The following BCAS3 variants were observed in gnomAD, a reference collection of about 807,000 sequenced individuals.
The protein encoded by BCAS3 is BCAS4/BCAS3 fusion.
In BCAS3, 53 loss-of-function variants were observed where a neutral mutation model predicts 116.1. The ratio of observed to expected loss-of-function variants is 0.46; its 90% CI spans 0.37 to 0.57. BCAS3 has a LOEUF of 0.57. Among genes scored for constraint, BCAS3 ranks in the 20% least tolerant of loss-of-function variants. The pLI is 0.00. For missense variants in BCAS3, 917 were observed against 1,165.4 expected (o/e 0.79, Z 3.10); for synonymous variants, 391 against 408.2 (o/e 0.96, Z 0.51).
chr17:60,875,398 A>G (rs2055506543), intron 9 of BCAS3, among the ~76,000 whole-genome samples: 1 of 152,104 alleles, frequency 6.6e-6, no homozygotes, highest in African/African-American at 2.4e-5. Flanking sequence ...GATGGAAAAA[A>G]ATGTAAACAC....
intron 22 of BCAS3, among the ~76,000 whole-genome samples, chr17:61,237,701 T>C (rs529687277): frequency 1.3e-5 from 2 of 152,244 alleles, no homozygotes; most frequent in Middle Eastern, 6.8e-3. Flanking sequence ...AAATAGAGAC[T>C]CAGAGAAACG....
intron 11 of BCAS3, among the ~76,000 whole-genome samples, chr17:60,908,791 G>A (rs575649947): frequency 2.8e-4 from 43 of 152,170 alleles, no homozygotes; most frequent in South Asian, 6.2e-4. Flanking sequence ...CTTTTTATTT[G>A]AATTCAGCAT....
At position 61,077,151 on chromosome 17, in the gene BCAS3, A is replaced by G. The variant is rs903391459; in HGVS notation, c.2131-1182A>G. On this transcript the variant is annotated intron_variant, in intron 20 of 23. Coordinates refer to ENST00000407086, the MANE Select transcript of BCAS3 (RefSeq NM_017679.5). The surrounding 1 kb of genome is among the most constrained non-coding windows in gnomAD (Gnocchi z 4.3). ...TTGATTATTTGTAAAAAAAAAAAAA[A>G]ATCATGTAATATATATATTTTCAGG... Among the ~76,000 whole-genome samples, 1 of 151,992 alleles carries G rather than the reference A, an allele frequency of 6.6e-6. No homozygotes were observed. The highest frequency in any genetic ancestry group is 1.5e-5 in the Non-Finnish European group (1 of 68,028).
rs2065733773 is a variant in BCAS3 at position 61,019,569 on chromosome 17, C to T, written c.1637+3668C>T. Reference sequence around the variant, plus strand: ...AAAAGTAATATTTGATTCGTGAGAACCAAATATATTCTGTGAATTTTCATT... The same window carrying T: ...AAAAGTAATATTTGATTCGTGAGAATCAAATATATTCTGTGAATTTTCATT... On this transcript the variant is annotated intron_variant, in intron 16 of 23. Coordinates refer to ENST00000407086, the MANE Select transcript of BCAS3 (RefSeq NM_017679.5). This position sits in a 1 kb window ranked among gnomAD's most constrained non-coding sequence, Gnocchi z 5.6. Among the ~76,000 whole-genome samples, 1 of 152,022 alleles carries T rather than the reference C, an allele frequency of 6.6e-6. No individual in the cohort carries two copies. Among genetic ancestry groups the T allele is most frequent in the South Asian group, 2.1e-4 (1 of 4,826 alleles).
At position 60,965,638 on chromosome 17, in the gene BCAS3, A is replaced by G. The variant is rs1277737004; in HGVS notation, c.1221+18286A>G. On this transcript the variant is annotated intron_variant, in intron 14 of 23. Coordinates refer to ENST00000407086, the MANE Select transcript of BCAS3 (RefSeq NM_017679.5). ...CTCAGGAGCATGTTTTTTAATTTCT[A>G]TGTGTTTATATATTTTCCCCAGTTC... 3.3e-5 allele frequency among the ~76,000 whole-genome samples: 5 copies of G among 152,214 alleles called. No individual in the cohort carries two copies. The East Asian group carries it at 5.8e-4, about 18-fold the overall frequency.
chr17:60,751,256 G>A (rs760111148), intron 6 of BCAS3, among the ~76,000 whole-genome samples: 1 of 152,132 alleles, frequency 6.6e-6, no homozygotes, highest in South Asian at 2.1e-4. Flanking sequence ...AATGAACCTA[G>A]ATCTGCTTTA....
chr17:60,897,386 G>T (rs1212171485), intron 10 of BCAS3, among the ~76,000 whole-genome samples: 1 of 152,106 alleles, frequency 6.6e-6, no homozygotes, highest in Non-Finnish European at 1.5e-5. Context: ...ATGTGCCTTA[G>T]AGAAGACCTT....
At chr17:61,277,002 C>A (rs2050812003) in intron 22 of BCAS3, among the ~76,000 whole-genome samples, 1 of 152,096 alleles carries the variant, frequency 6.6e-6, no homozygotes, top group African/African-American at 2.4e-5. Flanking sequence ...GTGGCTCATG[C>A]CTGTAATCAC....
intron 22 of BCAS3, among the ~76,000 whole-genome samples, chr17:61,329,175 C>CGTGAGCCACCAT (rs1166883532): frequency 6.6e-6 from 1 of 151,650 alleles, no homozygotes; most frequent in Non-Finnish European, 1.5e-5. Flanking sequence ...GGATTACAGG[C>CGTGAGCCACCAT]GCCTGGCCAA....
chr17:61,169,306 A>G (rs1455810286), intron 22 of BCAS3, among the ~76,000 whole-genome samples: 1 of 152,230 alleles, frequency 6.6e-6, no homozygotes, highest in Admixed American at 6.5e-5. Flanking sequence ...ACAGTTTTTG[A>G]GAAGTCTGGA....
intron 6 of BCAS3, among the ~76,000 whole-genome samples, chr17:60,755,165 T>A (rs986962349): frequency 1.3e-5 from 2 of 152,200 alleles, no homozygotes; most frequent in Non-Finnish European, 2.9e-5. Flanking sequence ...GTTTTAGGTA[T>A]AGGAAATTGA....
chr17:60,734,185 C>T (rs1241577520), intron 5 of BCAS3, among the ~76,000 whole-genome samples: 1 of 152,192 alleles, frequency 6.6e-6, no homozygotes, highest in Non-Finnish European at 1.5e-5. Context: ...TTCTATTACC[C>T]AGTAATGCGA....
At chr17:60,901,112 G>A (rs761193534) in intron 10 of BCAS3, among the ~76,000 whole-genome samples, 4 of 151,980 alleles carry the variant, frequency 2.6e-5, no homozygotes, top group African/African-American at 7.2e-5. Context: ...TTGGGAGGCC[G>A]AGGCGGGAGA....
At chr17:61,174,888 G>T (rs890177051) in intron 22 of BCAS3, among the ~76,000 whole-genome samples, 1 of 152,156 alleles carries the variant, frequency 6.6e-6, no homozygotes, top group African/African-American at 2.4e-5. Context: ...ATGAATTCTG[G>T]TAGCTCAATT....
Position 61,037,836 on chromosome 17 carries a change from T to G in BCAS3, c.1763-53T>G. ...GATCATTAACTTGTAAAAATTATTCTGTGCTCCATTTATGCCATCATAACA... is the reference window on the plus strand; with the variant it reads ...GATCATTAACTTGTAAAAATTATTCGGTGCTCCATTTATGCCATCATAACA... On this transcript the variant is annotated intron_variant, in intron 17 of 23. Transcript: ENST00000407086. This position sits in a 1 kb window ranked among gnomAD's most constrained non-coding sequence, Gnocchi z 4.7. 6.7e-7 allele frequency: 1 copy of G among 1,493,490 alleles called. No homozygotes were observed. The highest frequency in any genetic ancestry group is 1.4e-5 in the African/African-American group (1 of 71,846). The allele number at this position is 1,493,490 out of a possible 1,614,324, so 92.5% of individuals were successfully genotyped here. A position where few individuals can be genotyped will look rare whatever the true frequency, so the allele number is the denominator to read the frequency against.
intron 4 of BCAS3, among the ~76,000 whole-genome samples, chr17:60,708,803 C>T (rs568845889): frequency 6.6e-6 from 1 of 152,254 alleles, no homozygotes; most frequent in East Asian, 1.9e-4. Context: ...GCTGGGATCA[C>T]AGATGTGAGC....
intron 9 of BCAS3, among the ~76,000 whole-genome samples, chr17:60,876,337 T>G (rs982254948): frequency 2.0e-5 from 3 of 152,100 alleles, no homozygotes; most frequent in Admixed American, 2.0e-4. Flanking sequence ...ATTTTTCCTT[T>G]GTCTTCGTGA....
In BCAS3 at chr17:61,335,955, G is replaced by A. The variant is rs115487199; in HGVS notation, c.2426-32372G>A. 7.9e-3 allele frequency among the ~76,000 whole-genome samples: 1,209 copies of A among 152,344 alleles called. 18 individuals are homozygous for A. Among genetic ancestry groups the A allele is most frequent in the African/African-American group, 0.028 (1,156 of 41,580 alleles). ...CCTGCCAGATTGACAGCTGTCTTTA[G>A]ACCTCACCCCAAGGGGCTGCCAGCC... On this transcript the variant is annotated intron_variant, in intron 22 of 23. Coordinates refer to ENST00000407086, the MANE Select transcript of BCAS3 (RefSeq NM_017679.5).
chr17:61,147,634 C>G (rs566759789), intron 22 of BCAS3, among the ~76,000 whole-genome samples: 1 of 152,274 alleles, frequency 6.6e-6, no homozygotes, highest in African/African-American at 2.4e-5. Context: ...CCCTAATTGC[C>G]TGAATTAGCG....
Sources: gnomAD v4.1 joint callset for allele counts (sites outside exome capture counted in the v4.1 genomes callset) on GRCh38, gnomAD v4.1.1 for gene constraint, Gnocchi (gnomAD v3.1) non-coding constraint, MANE v1.5 for transcripts, NCBI Gene and HGNC (gene_info 2026-07-23, HGNC 2026-07-21) for gene names.